C10orf88: variants seen among roughly 807,000 people sequenced by gnomAD.
C10orf88 encodes ATPase PAAT.
A neutral mutation model predicts 34.2 loss-of-function variants in C10orf88; 29 were observed. The ratio of observed to expected loss-of-function variants is 0.85; its 90% CI spans 0.63 to 1.16. The LOEUF (loss-of-function observed/expected upper bound fraction) is 1.16. Among genes scored for constraint, C10orf88 ranks in the 50% most tolerant of loss-of-function variants. C10orf88 has a pLI of 0.00. For synonymous variants in C10orf88, 194 were observed against 197.4 expected (o/e 0.98, Z 0.15); for missense variants, 507 against 533.2 (o/e 0.95, Z 0.48).
At chr10:122,950,322 C>T (rs1268527924) in intron 3 of C10orf88, among the ~76,000 whole-genome samples, 1 of 152,172 alleles carries the variant, frequency 6.6e-6, no homozygotes, top group Non-Finnish European at 1.5e-5. Context: ...TTTATTTGAA[C>T]TTCCATATAC....
intron 4 of C10orf88, among the ~76,000 whole-genome samples, chr10:122,947,569 C>T (rs1183908959): frequency 1.3e-5 from 2 of 152,130 alleles, no homozygotes; most frequent in Non-Finnish European, 2.9e-5. Flanking sequence ...CCTTCACCAC[C>T]CTCCGTCAGC....
At chr10:122,953,069 G>A (rs367621279) in intron 1 of C10orf88, 37 bp from the exon 2 acceptor site, 1 of 1,501,128 alleles carries the variant, frequency 6.7e-7, no homozygotes, top group Admixed American at 1.8e-5. Context: ...ACACAGTATA[G>A]TTCTCTGAAC....
At position 122,938,006 on chromosome 10, in the gene C10orf88, C is replaced by T. The variant is rs753637523; in HGVS notation, c.802G>A (p.Val268Met). Residue 268 changes from valine (V) to methionine (M), a missense_variant, in exon 5 of 6, where the codon GTG becomes ATG. Val to Met is a conservative substitution (Grantham distance 21). Transcript: ENST00000481909. ...PFRTGLTSGNVTENLQTYIDK... is the reference protein window; with the variant it reads ...PFRTGLTSGNMTENLQTYIDK... ...ATGTAAGTTTGTAAGTTTTCAGTCACGTTCCCAGATGTCAATCCAGTTCTA... is the reference window on the plus strand; with the variant it reads ...ATGTAAGTTTGTAAGTTTTCAGTCATGTTCCCAGATGTCAATCCAGTTCTA... The T allele has an allele frequency of 8.1e-6, 13 of 1,613,200 alleles. No homozygotes were observed. Among genetic ancestry groups the T allele is most frequent in the African/African-American group, 4.0e-5 (3 of 74,858 alleles).
intron 5 of C10orf88, among the ~76,000 whole-genome samples, chr10:122,935,441 A>G (rs1425248915): frequency 6.6e-6 from 1 of 151,986 alleles, no homozygotes; most frequent in Non-Finnish European, 1.5e-5. Context: ...GCATTGTCAA[A>G]CGTCAGTTGG....
At chr10:122,949,888 T>C (rs747163628) in intron 3 of C10orf88, among the ~76,000 whole-genome samples, 11 of 152,186 alleles carry the variant, frequency 7.2e-5, no homozygotes, top group Non-Finnish European at 1.5e-4. Context: ...AATGATGTAA[T>C]ATAGCTTGCT....
At chr10:122,941,246 A>G (rs1458893008) in intron 4 of C10orf88, among the ~76,000 whole-genome samples, 2 of 152,144 alleles carry the variant, frequency 1.3e-5, no homozygotes, top group African/African-American at 4.8e-5. Context: ...TAGAATTCCT[A>G]TTCAAGAATT....
chr10:122,933,606 A>G (rs899317852), intron 5 of C10orf88: 1 of 152,228 alleles, frequency 6.6e-6, no homozygotes, highest in Non-Finnish European at 1.5e-5. Flanking sequence ...TGAATTTTCC[A>G]GAGGCTACAA....
intron 4 of C10orf88, among the ~76,000 whole-genome samples, chr10:122,941,353 A>G (rs1848579403): frequency 6.6e-6 from 1 of 152,162 alleles, no homozygotes; most frequent in South Asian, 2.1e-4. Flanking sequence ...GAAATCACAA[A>G]GGTTTGGATT....
chr10:122,934,055 GT>G, intron 5 of C10orf88, among the ~76,000 whole-genome samples: 1 of 152,134 alleles, frequency 6.6e-6, no homozygotes, highest in Non-Finnish European at 1.5e-5. Flanking sequence ...ACCAAAGACA[GT>G]TTTTAAGAAA....
intron 4 of C10orf88, among the ~76,000 whole-genome samples, chr10:122,945,599 G>C (rs1460443505): frequency 6.6e-6 from 1 of 151,836 alleles, no homozygotes; most frequent in Non-Finnish European, 1.5e-5. Context: ...TGTAGGCCTA[G>C]GGTAATGTGT....
At chr10:122,933,509 G>A (rs957214550) in intron 5 of C10orf88, 1 of 152,058 alleles carries the variant, frequency 6.6e-6, no homozygotes, top group African/African-American at 2.4e-5. Flanking sequence ...CAGAACCTTG[G>A]GGTCTCCATG....
chr10:122,944,582 C>T (rs1469996408), intron 4 of C10orf88, among the ~76,000 whole-genome samples: 1 of 152,074 alleles, frequency 6.6e-6, no homozygotes, highest in Non-Finnish European at 1.5e-5. Flanking sequence ...CTCACTTAGA[C>T]ATGACTGTTT....
chr10:122,952,515 C>T (rs60855705), intron 2 of C10orf88, among the ~76,000 whole-genome samples: 1,531 of 152,334 alleles, frequency 0.01, 24 homozygotes, highest in African/African-American at 0.034. Flanking sequence ...AGACAGACTG[C>T]TGTGAGTTTA....
chr10:122,942,661 G>T (rs1490323882), intron 4 of C10orf88, among the ~76,000 whole-genome samples: 1 of 150,190 alleles, frequency 6.7e-6, no homozygotes, highest in Non-Finnish European at 1.5e-5. Flanking sequence ...AAGCTGATAA[G>T]CAACTTCAGC....
In C10orf88 at chr10:122,932,500, G is replaced by T. The variant is rs1277094378; in HGVS notation, c.1265C>A (p.Pro422His). 12 of 1,613,866 alleles carry T rather than the reference G, an allele frequency of 7.4e-6. No homozygotes were observed. Among genetic ancestry groups the T allele is most frequent in the Non-Finnish European group, 9.3e-6 (11 of 1,179,990 alleles). Residue 422 changes from proline to histidine, a missense_variant, in exon 6 of 6, where the codon CCT becomes CAT. Coordinates refer to ENST00000481909, the MANE Select transcript of C10orf88 (RefSeq NM_024942.4). ...IALLLDLLQN[P>H]NSPPTGIPLR... Reference sequence around the variant, plus strand: ...AGGTATCCCAGTGGGCGGGGAGTTAGGATTTTGCAGCAAATCCAGTAACAA... The same window carrying T: ...AGGTATCCCAGTGGGCGGGGAGTTATGATTTTGCAGCAAATCCAGTAACAA...
chr10:122,953,855 C>T (rs1246960041), intron 1 of C10orf88, among the ~76,000 whole-genome samples, 160 bp downstream of exon 1: 1 of 151,620 alleles, frequency 6.6e-6, no homozygotes, highest in Non-Finnish European at 1.5e-5. Context: ...CCCCCTCCGC[C>T]CACCCCGGAC....
Position 122,952,899 on chromosome 10 carries a change from C to T in C10orf88, c.298G>A (p.Glu100Lys). 6.2e-7 allele frequency: 1 copy of T among 1,614,062 alleles called. No individual in the cohort carries two copies. The highest frequency in any genetic ancestry group is 2.2e-5 in the East Asian group (1 of 44,896). ...IGILSSARNMEVYLGEEYCGT... is the reference protein window; with the variant it reads ...IGILSSARNMKVYLGEEYCGT... ...CAGTACTCCTCTCCTAAGTACACTT[C>T]CATATTTCTTGCTGAACTTAAAATG... The change falls in exon 2 of 6, where the codon GAA becomes AAA. Residue 100 changes from glutamate (E) to lysine (K), a missense_variant. Glu to Lys is a moderately conservative substitution (Grantham distance 56, BLOSUM62 1). Coordinates refer to ENST00000481909, the MANE Select transcript of C10orf88 (RefSeq NM_024942.4).
In C10orf88 at chr10:122,932,386, T is replaced by C. The variant is rs779470852; in HGVS notation, c.*41A>G. ...TTTTGGGTTTTGGCTTTGTAATAAA[T>C]ATGTAATAAATATCTGCAGTACACT... On this transcript the variant is annotated 3_prime_UTR_variant, in exon 6 of 6. Coordinates refer to ENST00000481909, the MANE Select transcript of C10orf88 (RefSeq NM_024942.4). 15 of 1,493,868 alleles carry C rather than the reference T, an allele frequency of 1.0e-5. No individual in the cohort carries two copies. In the South Asian group the frequency reaches 1.5e-4, roughly 15 times the overall value. 92.5% of individuals were successfully genotyped at this position (1,493,868 alleles called of 1,614,324 possible). A position where few individuals can be genotyped will look rare whatever the true frequency, so the allele number is the denominator to read the frequency against.
Position 122,944,480 on chromosome 10 carries a change from C to CA in C10orf88, c.648+4168dup, listed in dbSNP as rs1848618828. 2.6e-5 allele frequency among the ~76,000 whole-genome samples: 4 copies of CA among 151,988 alleles called. No homozygotes were observed. The South Asian group carries it at 8.3e-4, about 32-fold the overall frequency. On this transcript the variant is annotated intron_variant, in intron 4 of 5. Coordinates refer to ENST00000481909, the MANE Select transcript of C10orf88 (RefSeq NM_024942.4). ...GCATGGCACATGTATACATATGTAACAAACCTGCACATTGTGCACATGTAC... is the reference window on the plus strand; with the variant it reads ...GCATGGCACATGTATACATATGTAACAAAACCTGCACATTGTGCACATGTAC...
Sources: gnomAD v4.1 joint callset for allele counts (sites outside exome capture counted in the v4.1 genomes callset) on GRCh38, gnomAD v4.1.1 for gene constraint, MANE v1.5 for transcripts, NCBI Gene and HGNC (gene_info 2026-07-23, HGNC 2026-07-21) for gene names.